The following FRG1 variants were observed in gnomAD, a reference collection of about 807,000 sequenced individuals.
FRG1 encodes FSHD region gene 1.
In FRG1, 19 loss-of-function variants were observed where a neutral mutation model predicts 37.0. The ratio of observed to expected loss-of-function variants is 0.51; its 90% confidence interval spans 0.36 to 0.75. The LOEUF (loss-of-function observed/expected upper bound fraction) is 0.75. Among genes scored for constraint, FRG1 ranks in the 30% least tolerant of loss-of-function variants. The pLI, the probability that FRG1 is intolerant of heterozygous loss-of-function variation, is 0.00. For synonymous variants in FRG1, 73 were observed against 96.5 expected (o/e 0.76, Z 1.43); for missense variants, 243 against 301.4 (o/e 0.81, Z 1.44).
chr4:189,942,970 G>T (rs1736381522), intron 1 of FRG1, among the ~76,000 whole-genome samples: 1 of 152,180 alleles, frequency 6.6e-6, no homozygotes, highest in Non-Finnish European at 1.5e-5. Context: ...AAAGAATCAG[G>T]ATTTAAAATC....
rs377484668 is a variant in FRG1, at chr4:189,956,672, G to T, written c.433-726G>T. Among the ~76,000 whole-genome samples the T allele has an allele frequency of 9.9e-3, 1,509 of 152,222 alleles. 8 individuals are homozygous for T. The highest frequency in any genetic ancestry group is 0.017 in the Non-Finnish European group (1,129 of 68,012). ...CTTTTTTAACTTGATGTGATATAAGGTTAACATATTTTGTAATCATTGTAT... is the reference window on the plus strand; with the variant it reads ...CTTTTTTAACTTGATGTGATATAAGTTTAACATATTTTGTAATCATTGTAT... On this transcript the variant is annotated intron_variant, in intron 5 of 8. Transcript: ENST00000226798.
rs1285060095 is a variant in FRG1, at chr4:189,957,480, CAGG to C, written c.518_520del (p.Gly173del). ...GACATAGAAGCAAAAAGTAAAACAG[CAGG>C]AGAAGAAGAAATGATCAAGGTAATG... On this transcript the variant is annotated inframe_deletion, in exon 6 of 9. Transcript: ENST00000226798. The C allele has an allele frequency of 6.2e-7, 1 of 1,612,144 alleles. No individual in the cohort carries two copies. Among genetic ancestry groups the C allele is most frequent in the Non-Finnish European group, 8.5e-7 (1 of 1,178,846 alleles).
At chr4:189,942,322 C>G (rs1736345870) in intron 1 of FRG1, among the ~76,000 whole-genome samples, 1 of 152,078 alleles carries the variant, frequency 6.6e-6, no homozygotes, top group Non-Finnish European at 1.5e-5. Context: ...TCTAGTTGCT[C>G]AGCATTTTCA....
At chr4:189,941,708 G>C (rs76135482) in intron 1 of FRG1, 1 of 238,456 alleles carries the variant, frequency 4.2e-6, no homozygotes, top group Non-Finnish European at 8.6e-6. Context: ...AGGATTAAAT[G>C]AGAGAACATA....
Position 189,940,938 on chromosome 4 carries a change from C to A in FRG1, c.-72C>A, listed in dbSNP as rs545205390. 3 of 1,232,868 alleles carry A rather than the reference C, an allele frequency of 2.4e-6. No homozygotes were observed. The highest frequency in any genetic ancestry group is 1.8e-5 in the Admixed American group (1 of 56,800). 76.4% of individuals were successfully genotyped at this position (1,232,868 alleles called of 1,614,324 possible). On this transcript the variant is annotated 5_prime_UTR_variant, in exon 1 of 9. Transcript: ENST00000226798. ...GCGTCCGCTTCTGTTTCTCCGCGCC[C>A]CTGTGCTGCCCCGACTCACATACTC...
At chr4:189,943,335 G>A in intron 2 of FRG1, 63 bp downstream of exon 2, 1 of 1,545,792 alleles carries the variant, frequency 6.5e-7, no homozygotes, top group Non-Finnish European at 8.7e-7. Context: ...CTCCTTGAAA[G>A]TGTTTTCCTA....
chr4:189,951,296 T>C (rs538153982), intron 2 of FRG1, among the ~76,000 whole-genome samples: 1 of 152,122 alleles, frequency 6.6e-6, no homozygotes, highest in Non-Finnish European at 1.5e-5. Context: ...GAGACCAGCC[T>C]GGCCAATGTG....
At chr4:189,943,162 C>A in intron 1 of FRG1, 40 bp from the exon 2 acceptor site, 1 of 1,508,812 alleles carries the variant, frequency 6.6e-7, no homozygotes, top group Non-Finnish European at 9.0e-7. Context: ...TCGTACAAAT[C>A]AATATACCTA....
At chr4:189,962,195 C>CT (rs1737266729) in intron 8 of FRG1, among the ~76,000 whole-genome samples, 1 of 152,090 alleles carries the variant, frequency 6.6e-6, no homozygotes, top group Non-Finnish European at 1.5e-5. Flanking sequence ...AATTTATCAT[C>CT]TTTTTATAAC....
At chr4:189,948,383 G>A (rs1375278721) in intron 2 of FRG1, among the ~76,000 whole-genome samples, 4 of 152,136 alleles carry the variant, frequency 2.6e-5, no homozygotes, top group Admixed American at 1.3e-4. Flanking sequence ...TTACAACATC[G>A]TACTTTGCAA....
intron 8 of FRG1, among the ~76,000 whole-genome samples, chr4:189,962,275 G>A (rs1467921315): frequency 6.6e-6 from 1 of 152,068 alleles, no homozygotes; most frequent in African/African-American, 2.4e-5. Context: ...AGTAGTTCAG[G>A]TTCCTTAAAA....
At chr4:189,943,997 A>G (rs1354948738) in intron 2 of FRG1, among the ~76,000 whole-genome samples, 1 of 152,228 alleles carries the variant, frequency 6.6e-6, no homozygotes, top group Non-Finnish European at 1.5e-5. Context: ...GTCAAAGGAT[A>G]GGTGAATGTT....
chr4:189,947,304 TTAAAG>T (rs1736573182), intron 2 of FRG1, among the ~76,000 whole-genome samples: 1 of 134,710 alleles, frequency 7.4e-6, no homozygotes. Flanking sequence ...CAGTTTTTGC[TTAAAG>T]TATTTTGAAG....
chr4:189,955,868 A>G (rs1260668216), intron 5 of FRG1, among the ~76,000 whole-genome samples: 1 of 152,198 alleles, frequency 6.6e-6, no homozygotes, highest in African/African-American at 2.4e-5. Flanking sequence ...GAGCAAGCAA[A>G]TAGAAGATAA....
chr4:189,952,693 T>TAA lies in FRG1; in HGVS notation c.260-374_260-373insAA, dbSNP rs568498035. On this transcript the variant is annotated intron_variant, in intron 3 of 8. Transcript: ENST00000226798. ...CCCATTAGAGGAAGCACTAATGAGA[T>TAA]ATGAAGTAATTAGAAGATAAAAAGC... Among the ~76,000 whole-genome samples, 1,087 of 152,262 alleles carry TAA rather than the reference T, an allele frequency of 7.1e-3. 16 individuals are homozygous for TAA. Among genetic ancestry groups the TAA allele is most frequent in the African/African-American group, 0.025 (1,046 of 41,550 alleles).
chr4:189,941,359 TG>T lies in FRG1; in HGVS notation c.62+294del, dbSNP rs528924382. 1.4e-4 allele frequency among the ~76,000 whole-genome samples: 22 copies of T among 152,304 alleles called. No individual in the cohort carries two copies. In the East Asian group the frequency reaches 4.1e-3, roughly 28 times the overall value. ...TGAGGCATCTCTCCAGGCCTCTGCC[TG>T]GGGGGTCTGCATTAGTCTGATCTCG... On this transcript the variant is annotated intron_variant, in intron 1 of 8. Coordinates refer to ENST00000226798, the MANE Select transcript of FRG1 (RefSeq NM_004477.3).
At chr4:189,961,025 C>T in intron 7 of FRG1, 186 bp downstream of exon 7, 1 of 577,640 alleles carries the variant, frequency 1.7e-6, no homozygotes, top group Non-Finnish European at 3.0e-6. Flanking sequence ...CTCTGATCAC[C>T]ACTGCCTTCC....
At chr4:189,952,696 G>A (rs1579631830) in intron 3 of FRG1, among the ~76,000 whole-genome samples, 1 of 152,140 alleles carries the variant, frequency 6.6e-6, no homozygotes, top group South Asian at 2.1e-4. Context: ...AATGAGATAT[G>A]AAGTAATTAG....
At chr4:189,945,773 A>G (rs116574307) in intron 2 of FRG1, among the ~76,000 whole-genome samples, 2 of 152,226 alleles carry the variant, frequency 1.3e-5, no homozygotes, top group Middle Eastern at 3.4e-3. Context: ...GGTGTCACAA[A>G]ATTAGATGGA....
Sources: allele counts gnomAD v4.1 joint callset (sites outside exome capture counted in the v4.1 genomes callset), GRCh38; gene constraint gnomAD v4.1.1; transcripts MANE v1.5; gene names NCBI Gene and HGNC (gene_info 2026-07-23, HGNC 2026-07-21).